Variants in ITGAE observed in about 807,000 individuals in gnomAD.
The protein encoded by ITGAE is integrin subunit alpha E.
ITGAE carries 99 observed loss-of-function variants against 136.5 expected under a neutral mutation model. The ratio of observed to expected loss-of-function variants is 0.73; its 90% CI spans 0.62 to 0.86. The LOEUF (loss-of-function observed/expected upper bound fraction) is 0.86. ITGAE is among the 40% of genes least tolerant of loss of function. The pLI, the probability that ITGAE is intolerant of heterozygous loss-of-function variation, is 0.00. For missense variants in ITGAE, 1,447 were observed against 1,515.3 expected, an observed-to-expected ratio of 0.95 and a Z score of 0.75; for synonymous variants, 613 against 591.8, an observed-to-expected ratio of 1.04 and a Z score of -0.52.
chr17:3,780,171 G>GC (rs2052633224), intron 1 of ITGAE, among the ~76,000 whole-genome samples: 1 of 120,530 alleles, frequency 8.3e-6, no homozygotes, highest in Admixed American at 8.5e-5. Context: ...TTGTTTATTT[G>GC]TTTTTTTTTT....
chr17:3,794,752 A>G (rs1337172153), intron 1 of ITGAE, among the ~76,000 whole-genome samples: 1 of 152,174 alleles, frequency 6.6e-6, no homozygotes, highest in African/African-American at 2.4e-5. Context: ...CTCTGGGGAA[A>G]AAACAGGACG....
intron 1 of ITGAE, among the ~76,000 whole-genome samples, chr17:3,782,748 A>G (rs544976152): frequency 6.6e-6 from 1 of 152,304 alleles, no homozygotes; most frequent in East Asian, 1.9e-4. Context: ...GACTTTTGCC[A>G]TAAACACTCT....
At chr17:3,776,210 AC>A (rs2052536261) in intron 2 of ITGAE, among the ~76,000 whole-genome samples, 1 of 151,880 alleles carries the variant, frequency 6.6e-6, no homozygotes, top group Non-Finnish European at 1.5e-5. Context: ...CGCGTGTACC[AC>A]CACGCCCAGA....
rs1024268343 is a variant in ITGAE, at chr17:3,723,736, C to G, written c.3093G>C (p.Thr1031=). The part of the protein sequence containing the change: ...VKKLTRTQAS[T]VCTWSQERAC... ...CGCGCTCCTGACTCCAGGTGCACAC[C>G]GTGGAGGCCTGAAACGAGAGCCATG... The change falls in exon 27 of 31, where the codon ACG becomes ACC. Residue 1031 remains threonine (T), a synonymous_variant. Coordinates refer to ENST00000263087, the MANE Select transcript of ITGAE (RefSeq NM_002208.5). The G allele has an allele frequency of 1.2e-6, 2 of 1,607,006 alleles. No individual in the cohort carries two copies. The highest frequency in any genetic ancestry group is 1.7e-4 in the Middle Eastern group (1 of 6,058).
chr17:3,754,516 T>A (rs1267294147), intron 12 of ITGAE: 1 of 153,854 alleles, frequency 6.5e-6, no homozygotes, highest in Non-Finnish European at 1.5e-5. Flanking sequence ...TCCGCCCGCA[T>A]CGGCCTCCTG....
At chr17:3,778,389 CCT>C (rs2052592811) in intron 1 of ITGAE, among the ~76,000 whole-genome samples, 2 of 152,194 alleles carry the variant, frequency 1.3e-5, no homozygotes, top group South Asian at 4.2e-4. Flanking sequence ...ATGATGAAAC[CCT>C]GTCTCTACGA....
At chr17:3,724,705 C>T in intron 26 of ITGAE, 1 of 1,614,192 alleles carries the variant, frequency 6.2e-7, no homozygotes, top group Middle Eastern at 1.6e-4. Flanking sequence ...CCTGAGGATT[C>T]TGAGTTTCGG....
chr17:3,725,777 A>C (rs2051195478), intron 26 of ITGAE: 2 of 1,602,170 alleles, frequency 1.2e-6, no homozygotes, highest in South Asian at 1.1e-5. Flanking sequence ...ACTTAGAGCA[A>C]ATGCGAACCA....
intron 17 of ITGAE, 121 bp from the exon 18 acceptor site, chr17:3,746,048 TC>T (rs2051705900): frequency 1.2e-6 from 1 of 847,562 alleles, no homozygotes; most frequent in South Asian, 1.7e-5. Flanking sequence ...TGCAGGTACT[TC>T]CCTGCGGCTG....
intron 9 of ITGAE, among the ~76,000 whole-genome samples, chr17:3,757,392 C>T (rs929372214): frequency 1.3e-5 from 2 of 152,176 alleles, no homozygotes; most frequent in Non-Finnish European, 2.9e-5. Flanking sequence ...CAGGGCCCCT[C>T]TCTGCCTCCC....
chr17:3,758,892 G>A lies in ITGAE; in HGVS notation c.866+510C>T, dbSNP rs545922266. On this transcript the variant is annotated intron_variant, in intron 8 of 30. Transcript: ENST00000263087. ...TGTAATCCCAGCACTTTGGGAGGCC[G>A]AGGCGGGCGGATCACGAGGTCAGGA... 1.0e-3 allele frequency among the ~76,000 whole-genome samples: 158 copies of A among 151,674 alleles called. 1 individual carries two copies. The highest frequency in any genetic ancestry group is 2.5e-3 in the Admixed American group (38 of 15,226).
Position 3,716,735 on chromosome 17 carries a change from C to A in ITGAE, c.3397G>T (p.Val1133Phe). Reference protein sequence around the residue: ...HSLPIIIKGSVGGLLVLIVIL... With the variant: ...HSLPIIIKGSFGGLLVLIVIL... The stretch of plus-strand genomic sequence containing the variant: ...ACGATCAACACCAGAAGTCCACCAA[C>A]GCTGCCTTTAATGATGATAGGCAAA... The change falls in exon 30 of 31, where the codon GTT becomes TTT. Residue 1133 changes from valine to phenylalanine, a missense_variant. Around this residue, in one of 3 missense-constraint regions of ITGAE, gnomAD observed 1,031 missense variants for 1,011.4 expected, o/e 1.02. Transcript: ENST00000263087. 1 of 1,612,222 alleles carries A rather than the reference C, an allele frequency of 6.2e-7. No homozygotes were observed. The highest frequency in any genetic ancestry group is 8.5e-7 in the Non-Finnish European group (1 of 1,178,278).
intron 26 of ITGAE, chr17:3,724,450 T>C (rs570096595): frequency 6.2e-7 from 1 of 1,613,716 alleles, no homozygotes; most frequent in African/African-American, 1.3e-5. Context: ...TTCAGCTCTC[T>C]GGCCTCGCCC....
intron 3 of ITGAE, among the ~76,000 whole-genome samples, chr17:3,762,662 A>G (rs2143125273): frequency 6.8e-6 from 1 of 147,004 alleles, no homozygotes; most frequent in East Asian, 2.0e-4. Context: ...CAGTGGCGCA[A>G]TCTCGGCTCA....
At chr17:3,786,089 C>G (rs1383963221) in intron 1 of ITGAE, among the ~76,000 whole-genome samples, 2 of 151,090 alleles carry the variant, frequency 1.3e-5, no homozygotes, top group African/African-American at 4.9e-5. Flanking sequence ...ATGGCGTGAA[C>G]CCGGGAGGCG....
intron 20 of ITGAE, 53 bp downstream of exon 20, chr17:3,739,752 C>T: frequency 6.7e-7 from 1 of 1,500,072 alleles, no homozygotes; most frequent in Non-Finnish European, 9.3e-7. Flanking sequence ...ATTGCCCAGG[C>T]AAGCGTTCGG....
intron 1 of ITGAE, among the ~76,000 whole-genome samples, chr17:3,789,495 CTTTT>C (rs1177226468): frequency 8.1e-5 from 7 of 86,382 alleles, no homozygotes; most frequent in African/African-American, 2.6e-4. Context: ...CTCTTTCCTT[CTTTT>C]TTTTTGTTTT....
intron 8 of ITGAE, 151 bp downstream of exon 8, chr17:3,759,251 G>C (rs1175385626): frequency 1.2e-6 from 1 of 822,118 alleles, no homozygotes. Flanking sequence ...GGACAGCCTT[G>C]AGGTGTCATC....
At position 3,761,950 on chromosome 17, in the gene ITGAE, C is replaced by T; in HGVS notation, c.280G>A (p.Gly94Arg). 1 of 1,613,988 alleles carries T rather than the reference C, an allele frequency of 6.2e-7. No individual in the cohort carries two copies. The highest frequency in any genetic ancestry group is 1.1e-5 in the South Asian group (1 of 91,072). The part of the protein sequence containing the change: ...HVPIPKGRHR[G>R]VTVVRSHHGV... ...TGGTGGCTCCGGACAACGGTCACTCCCCGGTGCCTCCCCTTGGGGATGGGG... is the reference window on the plus strand; with the variant it reads ...TGGTGGCTCCGGACAACGGTCACTCTCCGGTGCCTCCCCTTGGGGATGGGG... The change falls in exon 4 of 31, where the codon GGA becomes AGA. Residue 94 changes from glycine to arginine, a missense_variant. By Grantham distance (125) the Gly-to-Arg change is moderately radical. Around this residue, in one of 3 missense-constraint regions of ITGAE, gnomAD observed 310 missense variants for 416.1 expected, o/e 0.74. Transcript: ENST00000263087.
Sources: allele counts gnomAD v4.1 joint callset (sites outside exome capture counted in the v4.1 genomes callset), GRCh38; gene constraint gnomAD v4.1.1; regional missense constraint gnomAD v4.1.1; transcripts MANE v1.5; gene names NCBI Gene and HGNC (gene_info 2026-07-23, HGNC 2026-07-21).